Variants in USP3 observed in about 807,000 individuals in gnomAD.
The protein encoded by USP3 is ubiquitin carboxyl-terminal hydrolase 3.
Under a neutral mutation model 72.3 loss-of-function variants are expected in USP3, and 20 were observed. That is an observed-to-expected ratio of 0.28 (90% CI 0.19 to 0.40). The LOEUF (loss-of-function observed/expected upper bound fraction) is 0.40, where lower values mean the gene tolerates loss of function less well. Ranked by LOEUF, USP3 falls within the 10% of genes least tolerant of loss-of-function variation. USP3 has a pLI of 1.00. For synonymous variants in USP3, 222 were observed against 225.3 expected, an observed-to-expected ratio of 0.99 and a Z score of 0.13; for missense variants, 479 against 633.9, an observed-to-expected ratio of 0.76 and a Z score of 2.62.
intron 3 of USP3, among the ~76,000 whole-genome samples, chr15:63,540,101 T>C (rs1428112526): frequency 1.3e-5 from 2 of 152,268 alleles, no homozygotes; most frequent in African/African-American, 4.8e-5. Flanking sequence ...ACATGTTTGA[T>C]TATAAATATC....
intron 1 of USP3, among the ~76,000 whole-genome samples, chr15:63,521,662 C>G (rs1169700589): frequency 2.6e-5 from 4 of 152,188 alleles, no homozygotes; most frequent in Non-Finnish European, 5.9e-5. Flanking sequence ...CTTGTACACA[C>G]TCATCAGTGC....
At chr15:63,549,337 T>G (rs1259616088) in intron 3 of USP3, among the ~76,000 whole-genome samples, 1 of 152,246 alleles carries the variant, frequency 6.6e-6, no homozygotes, top group East Asian at 1.9e-4. Flanking sequence ...CTCCAGTATT[T>G]GTATCTGTAT....
intron 3 of USP3, among the ~76,000 whole-genome samples, chr15:63,541,786 A>G (rs921649370): frequency 2.6e-5 from 4 of 152,150 alleles, no homozygotes; most frequent in South Asian, 4.1e-4. Context: ...ACTGTCATTT[A>G]TAATAAAACC....
chr15:63,548,124 T>C (rs575859533), intron 3 of USP3, among the ~76,000 whole-genome samples: 1 of 150,210 alleles, frequency 6.7e-6, no homozygotes, highest in East Asian at 2.0e-4. Flanking sequence ...AAAATAAATA[T>C]AGTTACAAAA....
intron 2 of USP3, among the ~76,000 whole-genome samples, chr15:63,533,295 A>T (rs2066105809): frequency 6.6e-6 from 1 of 152,184 alleles, no homozygotes; most frequent in Non-Finnish European, 1.5e-5. Context: ...CCTAAGATAT[A>T]CCAAATGTTT....
intron 1 of USP3, among the ~76,000 whole-genome samples, chr15:63,522,747 G>C (rs1341846894): frequency 6.6e-6 from 1 of 152,162 alleles, no homozygotes; most frequent in Non-Finnish European, 1.5e-5. Context: ...TTGGAATATA[G>C]AACAGTTCAC....
At chr15:63,581,992 T>C (rs2066972194) in intron 11 of USP3, among the ~76,000 whole-genome samples, 1 of 152,240 alleles carries the variant, frequency 6.6e-6, no homozygotes, top group Non-Finnish European at 1.5e-5. Flanking sequence ...CCTGTATGTT[T>C]TAATAATGGT....
At chr15:63,509,820 G>C (rs531896855) in intron 1 of USP3, among the ~76,000 whole-genome samples, 1 of 152,214 alleles carries the variant, frequency 6.6e-6, no homozygotes, top group East Asian at 1.9e-4. Flanking sequence ...CCATGTATGT[G>C]TTTTGTTTAA....
chr15:63,514,198 A>T (rs1400151564), intron 1 of USP3, among the ~76,000 whole-genome samples: 1 of 152,052 alleles, frequency 6.6e-6, no homozygotes, highest in African/African-American at 2.4e-5. Context: ...TTTTGTTTAT[A>T]TATAGTTTTT....
intron 8 of USP3, among the ~76,000 whole-genome samples, chr15:63,564,208 C>T (rs949791404): frequency 2.6e-5 from 4 of 152,140 alleles, no homozygotes; most frequent in African/African-American, 9.7e-5. Flanking sequence ...GTGCCACCCA[C>T]TGGGTATTTT....
intron 11 of USP3, chr15:63,587,993 C>CTT (rs2067109720): frequency 5.0e-6 from 1 of 200,162 alleles, no homozygotes; most frequent in Non-Finnish European, 1.0e-5. Context: ...ACAATTGAAA[C>CTT]TTTAAATTCA....
intron 11 of USP3, chr15:63,586,478 T>C (rs2067065426): frequency 1.3e-5 from 2 of 152,250 alleles, no homozygotes; most frequent in African/African-American, 4.8e-5. Context: ...ATGTAACAAA[T>C]ACTTGCTGAA....
chr15:63,511,716 G>T (rs914756129), intron 1 of USP3, among the ~76,000 whole-genome samples: 1 of 151,940 alleles, frequency 6.6e-6, no homozygotes, highest in South Asian at 2.1e-4. Context: ...TTTTCATTTT[G>T]TTTCTGTTAG....
At chr15:63,585,004 T>C (rs545185541) in intron 11 of USP3, among the ~76,000 whole-genome samples, 1 of 152,272 alleles carries the variant, frequency 6.6e-6, no homozygotes, top group East Asian at 1.9e-4. Flanking sequence ...TTTGAAAAGA[T>C]TGTCCTTTCC....
At chr15:63,585,351 G>A (rs536476228) in intron 11 of USP3, among the ~76,000 whole-genome samples, 1 of 152,264 alleles carries the variant, frequency 6.6e-6, no homozygotes, top group African/African-American at 2.4e-5. Context: ...AAGTCTTCCA[G>A]TCTATGAATG....
chr15:63,542,110 T>C (rs1473344490), intron 3 of USP3: 1 of 984,968 alleles, frequency 1.0e-6, no homozygotes, highest in African/African-American at 1.7e-5. Context: ...AAGGACATGA[T>C]GTGGAAGTCA....
At position 63,574,470 on chromosome 15, in the gene USP3, CT is replaced by C; in HGVS notation, c.1096+68del. Reference sequence around the variant, plus strand: ...AATTGAATAGATTGATAAGCTTCATCTATATGTGGTATCTTTAATTAATATC... The same window carrying C: ...AATTGAATAGATTGATAAGCTTCATCATATGTGGTATCTTTAATTAATATC... On this transcript the variant is annotated intron_variant, in intron 11 of 14. Transcript: ENST00000380324. This position sits in a 1 kb window ranked among gnomAD's most constrained non-coding sequence, Gnocchi z 4.6. 8.3e-7 allele frequency: 1 copy of C among 1,200,394 alleles called. No homozygotes were observed. Among genetic ancestry groups the C allele is most frequent in the Non-Finnish European group, 1.2e-6 (1 of 858,008 alleles). The allele number at this position is 1,200,394 out of a possible 1,614,324, so 74.4% of individuals were successfully genotyped here.
chr15:63,583,066 A>G (rs2066992203), intron 11 of USP3, among the ~76,000 whole-genome samples: 2 of 152,160 alleles, frequency 1.3e-5, no homozygotes, highest in South Asian at 4.1e-4. Context: ...ATGCTTCCAC[A>G]CACGGGGAGA....
intron 2 of USP3, among the ~76,000 whole-genome samples, chr15:63,536,380 G>T (rs1174922544): frequency 6.6e-6 from 1 of 151,902 alleles, no homozygotes; most frequent in African/African-American, 2.4e-5. Context: ...TGGCCCTGTG[G>T]GAAGTGGCTG....
Sources: gnomAD v4.1 joint callset for allele counts (sites outside exome capture counted in the v4.1 genomes callset) on GRCh38, gnomAD v4.1.1 for gene constraint, Gnocchi (gnomAD v3.1) non-coding constraint, MANE v1.5 for transcripts, NCBI Gene and HGNC (gene_info 2026-07-23, HGNC 2026-07-21) for gene names.